Variants in LMBRD1 observed in about 807,000 individuals in gnomAD.
LMBRD1 encodes the protein lysosomal cobalamin transport escort protein LMBD1.
LMBRD1 carries 64 observed loss-of-function variants against 74.8 expected under a neutral mutation model. The observed-to-expected ratio is 0.86, with a 90% CI of 0.70 to 1.05. The LOEUF is 1.05. Among genes scored for constraint, LMBRD1 ranks in the 50% least tolerant of loss-of-function variants. The pLI is 0.00. For synonymous variants in LMBRD1, 204 were observed against 216.3 expected, an observed-to-expected ratio of 0.94 and a Z score of 0.50; for missense variants, 652 against 645.9, an observed-to-expected ratio of 1.01 and a Z score of -0.10.
At chr6:69,744,987 C>T (rs537573537) in intron 5 of LMBRD1, among the ~76,000 whole-genome samples, 3 of 151,938 alleles carry the variant, frequency 2.0e-5, no homozygotes, top group South Asian at 2.1e-4. Context: ...GGATTACAGG[C>T]GCGCACCACT....
At chr6:69,754,783 T>C (rs1467360416) in intron 3 of LMBRD1, among the ~76,000 whole-genome samples, 2 of 152,118 alleles carry the variant, frequency 1.3e-5, no homozygotes, top group Non-Finnish European at 2.9e-5. Flanking sequence ...GGGCAAAGGA[T>C]ATGAACACTT....
chr6:69,779,979 A>C (rs1051147461), intron 3 of LMBRD1, among the ~76,000 whole-genome samples: 6 of 152,230 alleles, frequency 3.9e-5, no homozygotes, highest in Admixed American at 2.0e-4. Flanking sequence ...GGTCCACCCA[A>C]ACCTGGCAAT....
intron 2 of LMBRD1, 151 bp from the exon 3 acceptor site, chr6:69,780,705 T>C (rs747959090): frequency 4.9e-5 from 33 of 666,772 alleles, no homozygotes; most frequent in African/African-American, 2.2e-4. Flanking sequence ...AGACAGACAA[T>C]AGACAAATTT....
At chr6:69,759,222 A>T (rs991364437) in intron 3 of LMBRD1, among the ~76,000 whole-genome samples, 5 of 152,184 alleles carry the variant, frequency 3.3e-5, no homozygotes, top group Non-Finnish European at 7.4e-5. Context: ...CTTCTTAGTT[A>T]CTGGTAACAA....
intron 14 of LMBRD1, among the ~76,000 whole-genome samples, chr6:69,681,873 G>T (rs1765670393): frequency 6.6e-6 from 1 of 151,810 alleles, no homozygotes; most frequent in Non-Finnish European, 1.5e-5. Context: ...ATTGTGATAT[G>T]ATTTGAAATT....
rs758941295 is a variant in LMBRD1 at position 69,688,402 on chromosome 6, A to ATT, written c.1417+9159_1417+9160dup. On this transcript the variant is annotated intron_variant, in intron 14 of 15. Coordinates refer to ENST00000649934, the MANE Select transcript of LMBRD1 (RefSeq NM_018368.4). ...ACAGGCCAAAGTTTGAAGGGCAGAG[A>ATT]TTTTTTTTTTTTTTCACTTAAATCC... 2.3e-3 allele frequency among the ~76,000 whole-genome samples: 336 copies of ATT among 146,744 alleles called. 5 individuals are homozygous for ATT. Among genetic ancestry groups the ATT allele is most frequent in the Non-Finnish European group, 8.7e-4 (58 of 66,286 alleles).
At chr6:69,791,189 CGGAATCACTTGGA>C (rs1766075086) in intron 1 of LMBRD1, among the ~76,000 whole-genome samples, 1 of 152,184 alleles carries the variant, frequency 6.6e-6, no homozygotes, top group Admixed American at 6.5e-5. Flanking sequence ...TAGGAGGCAT[CGGAATCACTTGGA>C]GGAACTGTTA....
At chr6:69,719,137 C>T (rs1766559188) in intron 7 of LMBRD1, 56 bp from the exon 8 acceptor site, 5 of 1,534,900 alleles carry the variant, frequency 3.3e-6, no homozygotes, top group Middle Eastern at 1.8e-4. Context: ...ATATTATACA[C>T]AATTTTAGGT....
intron 1 of LMBRD1, among the ~76,000 whole-genome samples, chr6:69,791,531 C>T (rs1766084964): frequency 6.6e-6 from 1 of 152,166 alleles, no homozygotes; most frequent in Non-Finnish European, 1.5e-5. Flanking sequence ...TCAATCTGAG[C>T]CAAACTTGAG....
intron 3 of LMBRD1, among the ~76,000 whole-genome samples, chr6:69,763,675 T>TC (rs1243760946): frequency 1.3e-5 from 2 of 152,162 alleles, no homozygotes; most frequent in African/African-American, 2.4e-5. Context: ...TGGGTACAAC[T>TC]CCTACCCATC....
chr6:69,713,592 A>G (rs545311064), intron 9 of LMBRD1, 53 bp downstream of exon 9: 1 of 1,565,988 alleles, frequency 6.4e-7, no homozygotes, highest in Admixed American at 1.7e-5. Context: ...TCCAAGAGGT[A>G]CTACATAAAC....
chr6:69,782,893 G>A lies in LMBRD1; in HGVS notation c.247-2339C>T, dbSNP rs530889194. 3.2e-4 allele frequency among the ~76,000 whole-genome samples: 49 copies of A among 152,162 alleles called. No individual in the cohort carries two copies. The Middle Eastern group carries it at 0.01, about 32-fold the overall frequency. The stretch of plus-strand genomic sequence containing the variant: ...AAGAGTCCTTTACCCAACAATATTC[G>A]GTGTAGGGTCGTTTAAAATATTTTT... On this transcript the variant is annotated intron_variant, in intron 2 of 15. Transcript: ENST00000649934.
At position 69,718,889 on chromosome 6, in the gene LMBRD1, A is replaced by T. The variant is rs1006607123; in HGVS notation, c.762+67T>A. Reference sequence around the variant, plus strand: ...TTATGGGGTTGACAATGTCTAAGTCATATCAGAAAGCAGCTCTAAGACAAA... The same window carrying T: ...TTATGGGGTTGACAATGTCTAAGTCTTATCAGAAAGCAGCTCTAAGACAAA... On this transcript the variant is annotated intron_variant, in intron 8 of 15. Coordinates refer to ENST00000649934, the MANE Select transcript of LMBRD1 (RefSeq NM_018368.4). 13 of 1,549,326 alleles carry T rather than the reference A, an allele frequency of 8.4e-6. No individual in the cohort carries two copies. In the African/African-American group the frequency reaches 1.5e-4, roughly 18 times the overall value.
At position 69,701,475 on chromosome 6, in the gene LMBRD1, G is replaced by A. The variant is rs181787663; in HGVS notation, c.1051C>T (p.Pro351Ser). Residue 351 changes from proline (P) to serine (S), a missense_variant, in exon 11 of 16, where the codon CCA (proline) becomes TCA (serine). This residue lies in a region of LMBRD1 where 598 missense variants were observed against 581.8 expected (regional missense o/e 1.03). Transcript: ENST00000649934. ...AGTAAAGGCAAAAGCATATTCAGTG[G>A]ATTACTCAGGTTAGCTCCAAAAATT... is the stretch of plus-strand genomic sequence containing the variant. ...FIIFGANLSN[P>S]LNMLLPLLQT... The A allele has an allele frequency of 6.2e-7, 1 of 1,605,832 alleles. No individual in the cohort carries two copies. Among genetic ancestry groups the A allele is most frequent in the Non-Finnish European group, 8.5e-7 (1 of 1,173,882 alleles).
intron 14 of LMBRD1, among the ~76,000 whole-genome samples, chr6:69,695,387 T>C (rs2445966): frequency 0.98 from 149,482 of 152,128 alleles, 73,505 homozygotes; most frequent in Middle Eastern, 1. Flanking sequence ...ATGATTATCC[T>C]GGGTTCCAGT....
intron 7 of LMBRD1, among the ~76,000 whole-genome samples, chr6:69,719,946 G>A (rs376548358): frequency 6.6e-6 from 1 of 152,300 alleles, no homozygotes; most frequent in Non-Finnish European, 1.5e-5. Context: ...TAAATGCCAC[G>A]TTTTAGGCAT....
chr6:69,723,175 G>C (rs1766654624), intron 7 of LMBRD1, among the ~76,000 whole-genome samples: 2 of 152,050 alleles, frequency 1.3e-5, no homozygotes, highest in South Asian at 4.1e-4. Flanking sequence ...GATATATAAA[G>C]CAAATATTAT....
chr6:69,789,459 G>A (rs566223611), intron 2 of LMBRD1, among the ~76,000 whole-genome samples: 6 of 151,918 alleles, frequency 3.9e-5, no homozygotes, highest in South Asian at 4.2e-4. Context: ...CCCAGGAGGC[G>A]GAGGTTACAG....
chr6:69,785,814 T>G (rs929385402), intron 2 of LMBRD1, among the ~76,000 whole-genome samples: 1 of 152,200 alleles, frequency 6.6e-6, no homozygotes, highest in African/African-American at 2.4e-5. Context: ...TTATTCTGGA[T>G]CTCAGCTTTT....
Sources: gnomAD v4.1 joint callset for allele counts (sites outside exome capture counted in the v4.1 genomes callset) on GRCh38, gnomAD v4.1.1 for gene constraint, gnomAD v4.1.1 regional missense constraint, MANE v1.5 for transcripts, NCBI Gene and HGNC (gene_info 2026-07-23, HGNC 2026-07-21) for gene names.